The following MARK1 variants were observed in gnomAD, a reference collection of about 807,000 sequenced individuals.
MARK1 encodes serine/threonine-protein kinase MARK1.
Under a neutral mutation model 96.3 loss-of-function variants are expected in MARK1, and 40 were observed. That is an observed-to-expected ratio of 0.42 (90% CI 0.32 to 0.54). MARK1 has a LOEUF of 0.54. Ranked by LOEUF, MARK1 falls within the 20% of genes least tolerant of loss-of-function variation. MARK1 has a pLI of 0.16. For synonymous variants in MARK1, 317 were observed against 341.2 expected (o/e 0.93, Z 0.78); for missense variants, 719 against 984.6 (o/e 0.73, Z 3.61).
intron 1 of MARK1, among the ~76,000 whole-genome samples, chr1:220,575,067 C>A (rs1037383876): frequency 5.3e-5 from 8 of 152,162 alleles, no homozygotes; most frequent in African/African-American, 1.7e-4. Context: ...AACTTCATTT[C>A]AGTCAGTATT....
At chr1:220,569,657 A>G (rs1663303528) in intron 1 of MARK1, among the ~76,000 whole-genome samples, 1 of 152,044 alleles carries the variant, frequency 6.6e-6, no homozygotes, top group Non-Finnish European at 1.5e-5. Flanking sequence ...TGAATAATTT[A>G]TTACTTCTTC....
intron 3 of MARK1, among the ~76,000 whole-genome samples, chr1:220,595,441 G>A (rs1372148271): frequency 1.3e-5 from 2 of 152,190 alleles, no homozygotes; most frequent in Non-Finnish European, 2.9e-5. Context: ...TCTGAGTGAA[G>A]GCTGACTCCC....
At chr1:220,602,372 G>A (rs1404557871) in intron 5 of MARK1, among the ~76,000 whole-genome samples, 2 of 152,128 alleles carry the variant, frequency 1.3e-5, no homozygotes, top group Admixed American at 6.5e-5. Flanking sequence ...GTCAGGTAAT[G>A]TTCTAGGTGC....
chr1:220,635,031 T>C (rs1667870767), intron 11 of MARK1, among the ~76,000 whole-genome samples: 1 of 152,202 alleles, frequency 6.6e-6, no homozygotes, highest in African/African-American at 2.4e-5. Flanking sequence ...AGGTTTGTTG[T>C]GATGATTAAA....
chr1:220,588,313 T>G (rs1664779799), intron 3 of MARK1, among the ~76,000 whole-genome samples: 1 of 152,170 alleles, frequency 6.6e-6, no homozygotes, highest in Non-Finnish European at 1.5e-5. Context: ...CATAAGAAAT[T>G]ATAAGACTTA....
chr1:220,596,863 C>T (rs981564588), intron 3 of MARK1, among the ~76,000 whole-genome samples: 1 of 152,110 alleles, frequency 6.6e-6, no homozygotes, highest in African/African-American at 2.4e-5. Flanking sequence ...AGTAACCCGC[C>T]CAGTGCCCCA....
chr1:220,553,231 A>G (rs540522069), intron 1 of MARK1, among the ~76,000 whole-genome samples: 1 of 152,268 alleles, frequency 6.6e-6, no homozygotes, highest in African/African-American at 2.4e-5. Context: ...GTGAATCTCT[A>G]TAGATTTATA....
intron 1 of MARK1, among the ~76,000 whole-genome samples, chr1:220,577,481 C>G (rs1274187708): frequency 6.6e-6 from 1 of 152,230 alleles, no homozygotes; most frequent in African/African-American, 2.4e-5. Flanking sequence ...CTCCTTCTTA[C>G]ATTATTTTCA....
At chr1:220,576,475 C>G (rs1488617919) in intron 1 of MARK1, among the ~76,000 whole-genome samples, 1 of 151,908 alleles carries the variant, frequency 6.6e-6, no homozygotes, top group Non-Finnish European at 1.5e-5. Context: ...AAGTATGCCC[C>G]CACCCTCAGT....
intron 1 of MARK1, among the ~76,000 whole-genome samples, chr1:220,544,138 G>A (rs1168808533): frequency 6.6e-6 from 1 of 152,126 alleles, no homozygotes. Context: ...GGTTTAAAGA[G>A]GAATTTCATG....
chr1:220,552,808 G>GT (rs1356220224), intron 1 of MARK1, among the ~76,000 whole-genome samples: 2 of 152,112 alleles, frequency 1.3e-5, no homozygotes, highest in Non-Finnish European at 2.9e-5. Flanking sequence ...TAATCAACCT[G>GT]TCACTGGGTG....
In MARK1 at chr1:220,636,167, C is replaced by T. The variant is rs986125308; in HGVS notation, c.1470+141C>T. Reference sequence around the variant, plus strand: ...TTTAAAGAACATGCAAAAGGGACCACACTTCTCATAAATGCAAGTTAAAAA... The same window carrying T: ...TTTAAAGAACATGCAAAAGGGACCATACTTCTCATAAATGCAAGTTAAAAA... On this transcript the variant is annotated intron_variant, in intron 13 of 17. Coordinates refer to ENST00000366917, the MANE Select transcript of MARK1 (RefSeq NM_018650.5). The T allele has an allele frequency of 2.8e-5, 16 of 571,882 alleles. No individual in the cohort carries two copies. The Admixed American group carries it at 4.6e-4, about 17-fold the overall frequency. The allele number at this position is 571,882 out of a possible 1,614,324, so 35.4% of individuals were successfully genotyped here. A position where few individuals can be genotyped will look rare whatever the true frequency, so the allele number is the denominator to read the frequency against.
At chr1:220,529,497 T>C (rs1401231260) in intron 1 of MARK1, among the ~76,000 whole-genome samples, 1 of 152,218 alleles carries the variant, frequency 6.6e-6, no homozygotes, top group East Asian at 1.9e-4. Context: ...ACAGCATCTA[T>C]GGCCCTGGGG....
At chr1:220,593,448 T>C (rs1198256211) in intron 3 of MARK1, among the ~76,000 whole-genome samples, 2 of 152,220 alleles carry the variant, frequency 1.3e-5, no homozygotes, top group African/African-American at 2.4e-5. Context: ...CCTAGAATCA[T>C]CAGATTTGTG....
At chr1:220,651,666 G>A (rs1301799666) in intron 14 of MARK1, among the ~76,000 whole-genome samples, 2 of 152,112 alleles carry the variant, frequency 1.3e-5, no homozygotes, top group African/African-American at 4.8e-5. Flanking sequence ...AGTAAAAAAT[G>A]ACTCCAGTCA....
chr1:220,566,266 G>A (rs938106596), intron 1 of MARK1, among the ~76,000 whole-genome samples: 4 of 152,086 alleles, frequency 2.6e-5, no homozygotes, highest in Admixed American at 6.6e-5. Context: ...TGTTCTGCTC[G>A]TAGTAGAAGC....
chr1:220,554,749 C>A (rs1342494070), intron 1 of MARK1, among the ~76,000 whole-genome samples: 2 of 152,156 alleles, frequency 1.3e-5, no homozygotes, highest in African/African-American at 2.4e-5. Context: ...TTGGCATAAC[C>A]AACTTATAAA....
chr1:220,607,477 C>A (rs1208381745), intron 6 of MARK1, among the ~76,000 whole-genome samples: 7 of 151,924 alleles, frequency 4.6e-5, no homozygotes, highest in African/African-American at 1.7e-4. Flanking sequence ...AAACAGGGAC[C>A]TCTTGACTTC....
intron 4 of MARK1, among the ~76,000 whole-genome samples, chr1:220,598,849 C>T (rs146851358): frequency 7.2e-5 from 11 of 151,936 alleles, no homozygotes; most frequent in South Asian, 6.2e-4. Flanking sequence ...AGTGATGGTG[C>T]GCACCTGTAG....
Sources: allele counts gnomAD v4.1 joint callset (sites outside exome capture counted in the v4.1 genomes callset), GRCh38; gene constraint gnomAD v4.1.1; transcripts MANE v1.5; gene names NCBI Gene and HGNC (gene_info 2026-07-23, HGNC 2026-07-21).